COL6A3: variants seen among roughly 807,000 people sequenced by gnomAD.
COL6A3 encodes the protein collagen type VI alpha 3 chain.
Under a neutral mutation model 274.1 loss-of-function variants are expected in COL6A3, and 137 were observed. The observed-to-expected ratio is 0.50, with a 90% CI of 0.44 to 0.58. The LOEUF (loss-of-function observed/expected upper bound fraction) is 0.58, where lower values mean the gene tolerates loss of function less well. Ranked by LOEUF, COL6A3 falls within the 20% of genes least tolerant of loss-of-function variation. The pLI, the probability that COL6A3 is intolerant of heterozygous loss-of-function variation, is 0.00. For missense variants in COL6A3, 3,950 were observed against 4,124.9 expected, an observed-to-expected ratio of 0.96 and a Z score of 1.16; for synonymous variants, 1,650 against 1,650.6, an observed-to-expected ratio of 1.00 and a Z score of 0.01.
chr2:237,339,656 T>C (rs2076942830), intron 38 of COL6A3, among the ~76,000 whole-genome samples: 1 of 152,186 alleles, frequency 6.6e-6, no homozygotes, highest in South Asian at 2.1e-4. Flanking sequence ...ATAATAAACA[T>C]TTAGCATATA....
rs924964819 is a variant in COL6A3, at chr2:237,334,884, T to A, written c.8971A>T (p.Met2991Leu). Residue 2991 changes from methionine (M) to leucine (L), a missense_variant, in exon 41 of 44, where the codon ATG (methionine) becomes TTG (leucine). By Grantham distance (15) the Met-to-Leu change is conservative. Coordinates refer to ENST00000295550, the MANE Select transcript of COL6A3 (RefSeq NM_004369.4). ...TCAAACACCTGGACTTCACGGGACA[T>A]CTTAACTGAAAGATAGATCAGAGCG... The part of the protein sequence containing the change: ...KPATTKPMVK[M>L]SREVQVFEIT... The A allele has an allele frequency of 2.5e-6, 4 of 1,614,014 alleles. No individual in the cohort carries two copies. The highest frequency in any genetic ancestry group is 3.4e-6 in the Non-Finnish European group (4 of 1,180,032).
rs887531861 is a variant in COL6A3 at position 237,339,165 on chromosome 2, T to C, written c.8465-48A>G. 13 of 1,331,728 alleles carry C rather than the reference T, an allele frequency of 9.8e-6. 1 individual carries two copies. Among genetic ancestry groups the C allele is most frequent in the Non-Finnish European group, 1.2e-5 (11 of 927,300 alleles). 82.5% of individuals were successfully genotyped at this position (1,331,728 alleles called of 1,614,324 possible). A position where few individuals can be genotyped will look rare whatever the true frequency, so the allele number is the denominator to read the frequency against. The stretch of plus-strand genomic sequence containing the variant: ...ACAATTGAACCGCATGCTAATAACA[T>C]GAAAATTAAAATTAATCTGTCAACA... On this transcript the variant is annotated intron_variant, in intron 38 of 43. Transcript: ENST00000295550.
At chr2:237,373,614 A>G (rs1463269332) in intron 8 of COL6A3, among the ~76,000 whole-genome samples, 1 of 151,670 alleles carries the variant, frequency 6.6e-6, no homozygotes, top group Non-Finnish European at 1.5e-5. Context: ...CTCCTCCCCA[A>G]CTTTCCTTCT....
At chr2:237,360,301 C>G in intron 16 of COL6A3, 142 bp from the exon 17 acceptor site, 2 of 840,688 alleles carry the variant, frequency 2.4e-6, no homozygotes, top group Non-Finnish European at 3.9e-6. Context: ...ATCGAGGCTA[C>G]GTGAGCCAGG....
intron 26 of COL6A3, among the ~76,000 whole-genome samples, 193 bp downstream of exon 26, chr2:237,352,329 A>G (rs1229375779): frequency 6.6e-6 from 1 of 152,170 alleles, no homozygotes; most frequent in Non-Finnish European, 1.5e-5. Context: ...CCAAAAAAGG[A>G]AACTCTTACT....
At chr2:237,395,823 C>T (rs1459854272) in intron 2 of COL6A3, among the ~76,000 whole-genome samples, 2 of 152,182 alleles carry the variant, frequency 1.3e-5, no homozygotes, top group Admixed American at 6.5e-5. Context: ...TTAGTTACTG[C>T]ATATTTTTCA....
intron 21 of COL6A3, among the ~76,000 whole-genome samples, 182 bp downstream of exon 21, chr2:237,358,339 T>C (rs2077362612): frequency 6.6e-6 from 1 of 152,236 alleles, no homozygotes; most frequent in Non-Finnish European, 1.5e-5. Flanking sequence ...AATGATTATC[T>C]GGTTAGCAAG....
At chr2:237,393,609 A>G (rs2106386228) in intron 3 of COL6A3, among the ~76,000 whole-genome samples, 1 of 152,212 alleles carries the variant, frequency 6.6e-6, no homozygotes, top group Middle Eastern at 3.4e-3. Context: ...TCTGCTACCA[A>G]CTATCAAATG....
intron 3 of COL6A3, among the ~76,000 whole-genome samples, chr2:237,389,814 T>A (rs1458256494): frequency 1.3e-5 from 2 of 152,258 alleles, no homozygotes; most frequent in African/African-American, 4.8e-5. Flanking sequence ...AGTAGGATAA[T>A]TGTTGTGCTA....
At position 237,364,813 on chromosome 2, in the gene COL6A3, A is replaced by G. The variant is rs1375294998; in HGVS notation, c.5839-385T>C. On this transcript the variant is annotated intron_variant, in intron 12 of 43. Transcript: ENST00000295550. This position sits in a 1 kb window ranked among gnomAD's most constrained non-coding sequence, Gnocchi z 4.6. ...GTGCATTGTGTGTGCATGTGTGTGC[A>G]CGTGTGTGTGCATGTGTGGGTGTGT... Among the ~76,000 whole-genome samples, 7 of 98,916 alleles carry G rather than the reference A, an allele frequency of 7.1e-5. No homozygotes were observed. The highest frequency in any genetic ancestry group is 2.2e-4 in the African/African-American group (7 of 31,744). 64.9% of individuals were successfully genotyped at this position (98,916 alleles called of 152,430 possible). A position where few individuals can be genotyped will look rare whatever the true frequency, so the allele number is the denominator to read the frequency against.
chr2:237,351,139 C>G lies in COL6A3; in HGVS notation c.6807G>C (p.Leu2269=), dbSNP rs780884008. 1.9e-6 allele frequency: 3 copies of G among 1,614,252 alleles called. No individual in the cohort carries two copies. Among genetic ancestry groups the G allele is most frequent in the South Asian group, 1.1e-5 (1 of 91,086 alleles). ...CTTTCTAAAGACAAACCTTTCTTCC[C>G]AGTGGACCGGTTCTGCCTCGTTCTC... is the stretch of plus-strand genomic sequence containing the variant. ...APGERGRTGP[L]GRKGEPGEPG... The change falls in exon 27 of 44, where the codon CTG becomes CTC. Residue 2269 remains leucine, a synonymous_variant. Coordinates refer to ENST00000295550, the MANE Select transcript of COL6A3 (RefSeq NM_004369.4).
At chr2:237,357,668 T>TC in intron 22 of COL6A3, 149 bp downstream of exon 22, 1 of 879,362 alleles carries the variant, frequency 1.1e-6, no homozygotes, top group Non-Finnish European at 1.9e-6. Context: ...CACGGAGACT[T>TC]CCTTCACGGG....
At chr2:237,338,963 G>T (rs2076926132) in intron 39 of COL6A3, 52 bp downstream of exon 39, 5 of 1,438,906 alleles carry the variant, frequency 3.5e-6, no homozygotes, top group Non-Finnish European at 4.9e-6. Flanking sequence ...TGGAGGACCT[G>T]TGCATTCCCT....
chr2:237,347,780 C>G, intron 31 of COL6A3, 27 bp downstream of exon 31: 2 of 1,601,854 alleles, frequency 1.2e-6, no homozygotes, highest in Middle Eastern at 1.7e-4. Flanking sequence ...CATTCCTCAC[C>G]TGCAGCCAAG....
Position 237,371,952 on chromosome 2 carries a change from C to T in COL6A3, c.4065G>A (p.Pro1355=), listed in dbSNP as rs766856187. ...CGCCAAACTGCTTGAGCTCCACCGC[C>T]GGGTCGTCCACCTCATCGTCAGACT... ...SGKSDDEVDD[P]AVELKQFGVA... is the part of the protein sequence containing the mutation. Residue 1355 remains proline (P), a synonymous_variant, in exon 9 of 44, where the codon CCG becomes CCA. Coordinates refer to ENST00000295550, the MANE Select transcript of COL6A3 (RefSeq NM_004369.4). This position sits in a 1 kb window ranked among gnomAD's most constrained non-coding sequence, Gnocchi z 4.3. 9.3e-6 allele frequency: 15 copies of T among 1,613,996 alleles called. No homozygotes were observed. Among genetic ancestry groups the T allele is most frequent in the South Asian group, 4.4e-5 (4 of 91,074 alleles).
intron 24 of COL6A3, among the ~76,000 whole-genome samples, chr2:237,354,633 A>G (rs942444619): frequency 2.0e-5 from 3 of 152,080 alleles, no homozygotes; most frequent in Non-Finnish European, 4.4e-5. Flanking sequence ...ACCAATGTAC[A>G]TCTCACACAT....
chr2:237,404,008 A>G lies in COL6A3; in HGVS notation c.-30-7161T>C, dbSNP rs2078661187. ...ATTGCAATATCTAATTTTTTGTATG[A>G]CCTCAATTAAATAATGATATACACT... On this transcript the variant is annotated intron_variant, in intron 1 of 43. Transcript: ENST00000295550. Among the ~76,000 whole-genome samples the G allele has an allele frequency of 2.0e-5, 3 of 151,780 alleles. 1 individual carries two copies. The South Asian group carries it at 6.2e-4, about 31-fold the overall frequency.
intron 24 of COL6A3, among the ~76,000 whole-genome samples, chr2:237,354,414 T>C (rs2077272929): frequency 6.6e-6 from 1 of 152,110 alleles, no homozygotes; most frequent in Non-Finnish European, 1.5e-5. Context: ...GTCATCCCTC[T>C]GCTCATGGGA....
chr2:237,346,340 A>C (rs1321446895), intron 32 of COL6A3, among the ~76,000 whole-genome samples, 163 bp downstream of exon 32: 4 of 152,162 alleles, frequency 2.6e-5, no homozygotes. Context: ...AAAATTCAAA[A>C]TCTCTTTGCT....
Sources: allele counts gnomAD v4.1 joint callset (sites outside exome capture counted in the v4.1 genomes callset), GRCh38; gene constraint gnomAD v4.1.1; non-coding constraint Gnocchi (gnomAD v3.1); transcripts MANE v1.5; gene names NCBI Gene and HGNC (gene_info 2026-07-23, HGNC 2026-07-21).